The following TRPM1 variants were observed in gnomAD, a reference collection of about 807,000 sequenced individuals.
TRPM1 encodes TRPM1-203 APA Isoform, Intron 10.
TRPM1 carries 113 observed loss-of-function variants against 149.4 expected under a neutral mutation model. That is an observed-to-expected ratio of 0.76 (90% CI 0.65 to 0.88). The LOEUF is 0.88. Ranked by LOEUF, TRPM1 falls within the 40% of genes least tolerant of loss-of-function variation. The pLI, the probability that TRPM1 is intolerant of heterozygous loss-of-function variation, is 0.00. For synonymous variants in TRPM1, 741 were observed against 759.5 expected (o/e 0.98, Z 0.40); for missense variants, 1,976 against 2,038.7 (o/e 0.97, Z 0.59).
At chr15:31,108,027 T>G (rs554139626) in intron 1 of TRPM1, among the ~76,000 whole-genome samples, 1 of 152,140 alleles carries the variant, frequency 6.6e-6, no homozygotes, top group Admixed American at 6.5e-5. Flanking sequence ...CTAGCTAATT[T>G]TTGTATTTTT....
At chr15:31,088,321 G>A (rs146298890) in intron 1 of TRPM1, among the ~76,000 whole-genome samples, 5 of 152,184 alleles carry the variant, frequency 3.3e-5, no homozygotes, top group East Asian at 1.9e-4. Flanking sequence ...CTGGCAATCC[G>A]CTCGGGTCTC....
rs1064797197 is a variant in TRPM1 at position 31,026,162 on chromosome 15, C to A, written c.3606G>T (p.Glu1202Asp). ...ACCTTTCAGAAGTGACCCGGATGCG[C>A]TCGTCGCTGGACGACTGCTGCTCAT... ...KEDEQQSSSD[E>D]RIRVTSERVE... The change falls in exon 27 of 28, where the codon GAG becomes GAT. Residue 1202 changes from glutamate to aspartate, a missense_variant. Glu to Asp is a conservative substitution (Grantham distance 45). Transcript: ENST00000256552. 3 of 1,612,170 alleles carry A rather than the reference C, an allele frequency of 1.9e-6. No individual in the cohort carries two copies.
chr15:31,088,652 A>C (rs1329828456), intron 1 of TRPM1, among the ~76,000 whole-genome samples: 2 of 152,200 alleles, frequency 1.3e-5, no homozygotes, highest in Admixed American at 6.5e-5. Flanking sequence ...GACATGCCAC[A>C]CTCACGGACT....
intron 1 of TRPM1, among the ~76,000 whole-genome samples, chr15:31,087,862 G>A (rs1306775951): frequency 6.6e-6 from 1 of 152,158 alleles, no homozygotes; most frequent in African/African-American, 2.4e-5. Context: ...GTGGGAGGGA[G>A]GAATGGGTAG....
At chr15:31,019,516 C>T (rs1192611850) in intron 27 of TRPM1, among the ~76,000 whole-genome samples, 1 of 152,210 alleles carries the variant, frequency 6.6e-6, no homozygotes, top group Admixed American at 6.5e-5. Context: ...ATTCTCCTGC[C>T]TCAGCCTCCC....
intron 1 of TRPM1, among the ~76,000 whole-genome samples, chr15:31,153,583 C>T (rs2036330822): frequency 6.6e-6 from 1 of 152,192 alleles, no homozygotes; most frequent in Non-Finnish European, 1.5e-5. Flanking sequence ...CTCAGCCTCC[C>T]AAAGTTCTGG....
At chr15:31,023,125 C>A (rs193198863) in intron 27 of TRPM1, among the ~76,000 whole-genome samples, 1 of 152,344 alleles carries the variant, frequency 6.6e-6, no homozygotes, top group African/African-American at 2.4e-5. Flanking sequence ...GCCCTGCCTT[C>A]ATGCAGCTTA....
intron 1 of TRPM1, among the ~76,000 whole-genome samples, chr15:31,114,794 T>G (rs917002862): frequency 6.6e-6 from 1 of 152,212 alleles, no homozygotes; most frequent in Non-Finnish European, 1.5e-5. Context: ...ACAGAGTTAA[T>G]TTGTAATAGA....
chr15:31,001,267 C>T lies in TRPM1; in HGVS notation c.*555G>A, dbSNP rs1328259023. ...TGTGCCTCACAATTTTATTTTTCTTCTTTCCACCCCTCCCTTTTTTCATGT... is the reference window on the plus strand; with the variant it reads ...TGTGCCTCACAATTTTATTTTTCTTTTTTCCACCCCTCCCTTTTTTCATGT... On this transcript the variant is annotated 3_prime_UTR_variant, in exon 28 of 28. Transcript: ENST00000256552. The T allele has an allele frequency of 6.6e-6, 1 of 151,686 alleles. No individual in the cohort carries two copies. Among genetic ancestry groups the T allele is most frequent in the African/African-American group, 2.4e-5 (1 of 41,244 alleles). The allele number at this position is 151,686 out of a possible 1,614,324, so 9.4% of individuals were successfully genotyped here. A position where few individuals can be genotyped will look rare whatever the true frequency, so the allele number is the denominator to read the frequency against.
intron 1 of TRPM1, among the ~76,000 whole-genome samples, chr15:31,088,371 C>T (rs549742060): frequency 2.0e-5 from 3 of 152,304 alleles, no homozygotes; most frequent in South Asian, 2.1e-4. Context: ...TGTTCTTTCT[C>T]CCTTGGCAAT....
intron 11 of TRPM1, 75 bp downstream of exon 11, chr15:31,060,469 C>T: frequency 8.0e-7 from 1 of 1,251,692 alleles, no homozygotes; most frequent in Non-Finnish European, 1.2e-6. Flanking sequence ...TTCCATGTCA[C>T]AAGGGAGAAC....
intron 1 of TRPM1, among the ~76,000 whole-genome samples, chr15:31,097,772 G>T (rs28453275): frequency 6.6e-6 from 1 of 151,974 alleles, no homozygotes; most frequent in Non-Finnish European, 1.5e-5. Flanking sequence ...GAGCTGTCCC[G>T]CATGGTAGAC....
At chr15:31,144,057 C>A (rs1417605585) in intron 1 of TRPM1, among the ~76,000 whole-genome samples, 1 of 152,128 alleles carries the variant, frequency 6.6e-6, no homozygotes, top group African/African-American at 2.4e-5. Flanking sequence ...AAAAAGTCAT[C>A]GCAGGTGCAG....
intron 25 of TRPM1, among the ~76,000 whole-genome samples, chr15:31,027,782 G>C (rs2032852716): frequency 6.6e-6 from 1 of 152,116 alleles, no homozygotes; most frequent in African/African-American, 2.4e-5. Flanking sequence ...CATCTTAGAA[G>C]CTAAAATCAT....
At chr15:31,048,243 A>G (rs901047346) in intron 13 of TRPM1, among the ~76,000 whole-genome samples, 3 of 152,118 alleles carry the variant, frequency 2.0e-5, no homozygotes, top group African/African-American at 7.2e-5. Flanking sequence ...CTAGGTGATA[A>G]AGTGAGACCT....
intron 1 of TRPM1, among the ~76,000 whole-genome samples, chr15:31,109,059 G>A (rs2035646880): frequency 6.6e-6 from 1 of 152,122 alleles, no homozygotes; most frequent in Non-Finnish European, 1.5e-5. Context: ...CATGCTAGTA[G>A]GGGAGCCAGT....
At chr15:31,145,193 C>T (rs2036209624) in intron 1 of TRPM1, among the ~76,000 whole-genome samples, 1 of 152,110 alleles carries the variant, frequency 6.6e-6, no homozygotes, top group South Asian at 2.1e-4. Context: ...CGTCTCATGC[C>T]CTTGATGTGT....
Position 31,108,047 on chromosome 15 carries a change from G to A in TRPM1, c.55-31063C>T, listed in dbSNP as rs532813911. On this transcript the variant is annotated intron_variant, in intron 1 of 26. Coordinates refer to the TRPM1 transcript ENST00000542188. ...TAATTTTTGTATTTTTAGTAGAGAT[G>A]GGGTTTCACCATATTGGCCAGGCTG... is the stretch of plus-strand genomic sequence containing the variant. Among the ~76,000 whole-genome samples the A allele has an allele frequency of 1.3e-4, 19 of 151,958 alleles. No individual in the cohort carries two copies. In the South Asian group the frequency reaches 3.9e-3, roughly 32 times the overall value.
intron 1 of TRPM1, among the ~76,000 whole-genome samples, chr15:31,088,858 C>G (rs935142271): frequency 1.1e-5 from 1 of 91,888 alleles, no homozygotes; most frequent in East Asian, 4.1e-4. Context: ...AGCCCTGCTG[C>G]GGGTATTGAC....
Sources: gnomAD v4.1 joint callset for allele counts (sites outside exome capture counted in the v4.1 genomes callset) on GRCh38, gnomAD v4.1.1 for gene constraint, MANE v1.5 for transcripts, NCBI Gene and HGNC (gene_info 2026-07-23, HGNC 2026-07-21) for gene names.